PMP22: variants seen among roughly 807,000 people sequenced by gnomAD.
PMP22 encodes the protein peripheral myelin protein 22.
A neutral mutation model predicts 18.9 loss-of-function variants in PMP22; 2 were observed. That is an observed-to-expected ratio of 0.11 (90% CI 0.04 to 0.33). The LOEUF is 0.33. Among genes scored for constraint, PMP22 ranks in the 10% least tolerant of loss-of-function variants. The pLI is 1.00. For missense variants in PMP22, 169 were observed against 202.2 expected, an observed-to-expected ratio of 0.84 and a Z score of 1.00; for synonymous variants, 95 against 89.2, an observed-to-expected ratio of 1.07 and a Z score of -0.37.
At chr17:15,260,928 G>C (rs900026933) in intron 1 of PMP22, 167 bp from the exon 2 acceptor site, 1 of 406,912 alleles carries the variant, frequency 2.5e-6, no homozygotes, top group Non-Finnish European at 4.3e-6. Flanking sequence ...CGCCGAGAGG[G>C]GGCAGCAGCC....
At chr17:15,240,608 A>G (rs1907243397) in intron 3 of PMP22, among the ~76,000 whole-genome samples, 1 of 152,086 alleles carries the variant, frequency 6.6e-6, no homozygotes, top group South Asian at 2.1e-4. Flanking sequence ...ATCCGCTGCA[A>G]ACTCATGTCA....
At chr17:15,257,180 G>C (rs1013041764) in intron 3 of PMP22, among the ~76,000 whole-genome samples, 1 of 152,186 alleles carries the variant, frequency 6.6e-6, no homozygotes, top group Non-Finnish European at 1.5e-5. Context: ...GAGATAAGAA[G>C]TTTCCTGATT....
chr17:15,239,969 C>T (rs1318834266), intron 3 of PMP22, among the ~76,000 whole-genome samples: 1 of 151,864 alleles, frequency 6.6e-6, no homozygotes, highest in Non-Finnish European at 1.5e-5. Flanking sequence ...TGTGTATATA[C>T]ACATATACAA....
intron 1 of PMP22, among the ~76,000 whole-genome samples, chr17:15,263,058 G>T (rs73977983): frequency 0.012 from 1,875 of 152,282 alleles, 42 homozygotes; most frequent in African/African-American, 0.042. Context: ...GTCTTAGCCG[G>T]ACACACCTGC....
chr17:15,242,290 C>A (rs1907409779), intron 3 of PMP22, among the ~76,000 whole-genome samples: 6 of 146,160 alleles, frequency 4.1e-5, no homozygotes, highest in African/African-American at 7.5e-5. Flanking sequence ...GACATTGTAG[C>A]TATATTCTAA....
In PMP22 at chr17:15,260,606, G is replaced by A. The variant is rs115956895; in HGVS notation, c.78+44C>T. ...GGAGCACGGGCTGGGAACCCAGATG[G>A]GGAAGGGCGGGCCGCGCAGGGAGCC... On this transcript the variant is annotated intron_variant, in intron 2 of 4. Coordinates refer to ENST00000312280, the MANE Select transcript of PMP22 (RefSeq NM_000304.4). 2,798 of 1,494,038 alleles carry A rather than the reference G, an allele frequency of 1.9e-3. 46 individuals carry two copies. In the African/African-American group the frequency reaches 0.035, roughly 19 times the overall value. The allele number at this position is 1,494,038 out of a possible 1,614,324, so 92.5% of individuals were successfully genotyped here. A position where few individuals can be genotyped will look rare whatever the true frequency, so the allele number is the denominator to read the frequency against.
intron 3 of PMP22, among the ~76,000 whole-genome samples, chr17:15,242,906 T>C (rs1463643804): frequency 1.3e-5 from 2 of 151,784 alleles, no homozygotes; most frequent in African/African-American, 4.8e-5. Flanking sequence ...CCAAAATAAA[T>C]TTGGAAATTT....
Position 15,258,841 on chromosome 17 carries a change from C to CTAAGTGA in PMP22, c.178+246_178+252dup, listed in dbSNP as rs1909052572. Reference sequence around the variant, plus strand: ...TTTTTCAATCACAAAAAGCATTATCCTAAGTGATCAGGAGGGCACTAAGGG... The same window carrying CTAAGTGA: ...TTTTTCAATCACAAAAAGCATTATCCTAAGTGATAAGTGATCAGGAGGGCACTAAGGG... On this transcript the variant is annotated intron_variant, in intron 3 of 4. Coordinates refer to ENST00000312280, the MANE Select transcript of PMP22 (RefSeq NM_000304.4). The surrounding 1 kb of genome is among the most constrained non-coding windows in gnomAD (Gnocchi z 4.1). The CTAAGTGA allele has an allele frequency of 2.6e-5, 14 of 541,790 alleles. No individual in the cohort carries two copies. In the South Asian group the frequency reaches 2.8e-4, roughly 11 times the overall value. 33.6% of individuals were successfully genotyped at this position (541,790 alleles called of 1,614,324 possible).
At chr17:15,231,538 C>T (rs1336960535) in intron 4 of PMP22, among the ~76,000 whole-genome samples, 7 of 152,166 alleles carry the variant, frequency 4.6e-5, no homozygotes, top group East Asian at 1.9e-4. Context: ...ATTGGAGTCA[C>T]GCCATGGTAA....
rs1386973398 is a variant in PMP22 at position 15,230,376 on chromosome 17, T to C, written c.*541A>G. 7.2e-6 allele frequency: 1 copy of C among 138,440 alleles called. No homozygotes were observed. Among genetic ancestry groups the C allele is most frequent in the Non-Finnish European group, 1.7e-5 (1 of 60,214 alleles). The allele number at this position is 138,440 out of a possible 1,614,324, so 8.6% of individuals were successfully genotyped here. On this transcript the variant is annotated 3_prime_UTR_variant, in exon 5 of 5. Coordinates refer to ENST00000312280, the MANE Select transcript of PMP22 (RefSeq NM_000304.4). ...TTTGGGCATTTTGTCCGTGTGCGCG[T>C]AAAGCTTCACACAGAGGTTCGGGCA... is the stretch of plus-strand genomic sequence containing the variant.
At chr17:15,263,450 C>A (rs1399716334) in intron 1 of PMP22, among the ~76,000 whole-genome samples, 1 of 152,122 alleles carries the variant, frequency 6.6e-6, no homozygotes, top group Non-Finnish European at 1.5e-5. Flanking sequence ...TAGCCCCCTT[C>A]AGTCTCGGCT....
intron 3 of PMP22, among the ~76,000 whole-genome samples, chr17:15,250,722 C>G (rs1223259692): frequency 6.6e-6 from 1 of 152,164 alleles, no homozygotes; most frequent in Non-Finnish European, 1.5e-5. Context: ...CTCTACTTCC[C>G]CTCCCTAGCT....
intron 2 of PMP22, among the ~76,000 whole-genome samples, chr17:15,259,970 AG>A (rs1341883327): frequency 6.6e-6 from 1 of 151,818 alleles, no homozygotes; most frequent in Non-Finnish European, 1.5e-5. Context: ...AGAAAAGAAA[AG>A]AAAACGAAAA....
chr17:15,256,821 T>C (rs1908872810), intron 3 of PMP22, among the ~76,000 whole-genome samples: 2 of 152,210 alleles, frequency 1.3e-5, no homozygotes, highest in South Asian at 4.1e-4. Flanking sequence ...CCACAATTGT[T>C]AAACTCAATC....
rs564636064 is a variant in PMP22, at chr17:15,256,509, TGGGCGCCTATAATCCCAGCTACTC to T, written c.178+2561_178+2584del. ...TACAAAAATTAGCCAGGCGTGGTGT[TGGGCGCCTATAATCCCAGCTACTC>T]GGGAGGCTGAGGCAGGAAAATCGCT... is the stretch of plus-strand genomic sequence containing the variant. On this transcript the variant is annotated intron_variant, in intron 3 of 4. Transcript: ENST00000312280. Among the ~76,000 whole-genome samples, 26 of 152,174 alleles carry T rather than the reference TGGGCGCCTATAATCCCAGCTACTC, an allele frequency of 1.7e-4. 1 individual carries two copies. The South Asian group carries it at 5.2e-3, about 30-fold the overall frequency.
At position 15,260,749 on chromosome 17, in the gene PMP22, G is replaced by A. The variant is rs1244419358; in HGVS notation, c.-22C>T. On this transcript the variant is annotated 5_prime_UTR_variant, in exon 2 of 5. Transcript: ENST00000312280. Reference sequence around the variant, plus strand: ...GCATTCTGGCGGCAAGTTCTGCTCAGCGGAGTTTCTGCCTGCGAGGAGAGC... The same window carrying A: ...GCATTCTGGCGGCAAGTTCTGCTCAACGGAGTTTCTGCCTGCGAGGAGAGC... The A allele has an allele frequency of 1.3e-6, 2 of 1,548,194 alleles. No homozygotes were observed. Among genetic ancestry groups the A allele is most frequent in the Non-Finnish European group, 8.7e-7 (1 of 1,143,778 alleles).
At chr17:15,231,193 G>A in intron 4 of PMP22, 113 bp from the exon 5 acceptor site, 1 of 1,044,934 alleles carries the variant, frequency 9.6e-7, no homozygotes, top group Non-Finnish European at 1.4e-6. Context: ...TCTACCTCTG[G>A]AAGGAAATCT....
intron 3 of PMP22, among the ~76,000 whole-genome samples, chr17:15,243,204 T>C (rs1907503724): frequency 6.6e-6 from 1 of 152,122 alleles, no homozygotes; most frequent in African/African-American, 2.4e-5. Context: ...GAAAAAAATA[T>C]TAAAATACAT....
At chr17:15,249,505 C>T (rs745697467) in intron 3 of PMP22, among the ~76,000 whole-genome samples, 2 of 152,164 alleles carry the variant, frequency 1.3e-5, no homozygotes, top group Admixed American at 6.5e-5. Context: ...AATTATTCTA[C>T]CACCATTCTT....
Sources: allele counts gnomAD v4.1 joint callset (sites outside exome capture counted in the v4.1 genomes callset), GRCh38; gene constraint gnomAD v4.1.1; non-coding constraint Gnocchi (gnomAD v3.1); transcripts MANE v1.5; gene names NCBI Gene and HGNC (gene_info 2026-07-23, HGNC 2026-07-21).